ADGRG7: variants seen among roughly 807,000 people sequenced by gnomAD.
ADGRG7 encodes the protein adhesion G protein-coupled receptor G7.
ADGRG7 carries 82 observed loss-of-function variants against 88.6 expected under a neutral mutation model. The ratio of observed to expected loss-of-function variants is 0.93; its 90% CI spans 0.77 to 1.11. The LOEUF is 1.11. ADGRG7 is among the 50% of genes most tolerant of loss of function. ADGRG7 has a pLI of 0.00. For missense variants in ADGRG7, 945 were observed against 953.4 expected (o/e 0.99, Z 0.12); for synonymous variants, 381 against 345.2 (o/e 1.10, Z -1.15).
chr3:100,628,640 G>A (rs1165072557), intron 1 of ADGRG7, among the ~76,000 whole-genome samples: 1 of 152,140 alleles, frequency 6.6e-6, no homozygotes, highest in Non-Finnish European at 1.5e-5. Context: ...AGAGGTGTGA[G>A]CCACTGCACA....
intron 13 of ADGRG7, among the ~76,000 whole-genome samples, chr3:100,658,955 T>C (rs952963032): frequency 6.6e-6 from 1 of 152,158 alleles, no homozygotes. Context: ...AATTAATTAA[T>C]TCTTTCAACA....
chr3:100,651,846 C>T (rs1013935676), intron 11 of ADGRG7, among the ~76,000 whole-genome samples: 3 of 152,192 alleles, frequency 2.0e-5, no homozygotes, highest in Non-Finnish European at 1.5e-5. Context: ...GTTCAACTTA[C>T]GATTTTTCAG....
chr3:100,665,280 C>CG, intron 14 of ADGRG7: 1 of 540,610 alleles, frequency 1.8e-6, no homozygotes, highest in Admixed American at 1.9e-5. Context: ...CACAATGAAA[C>CG]GAGGTTGTCG....
intron 8 of ADGRG7, among the ~76,000 whole-genome samples, chr3:100,645,340 C>G (rs1416820827): frequency 1.3e-5 from 2 of 152,224 alleles, no homozygotes; most frequent in Non-Finnish European, 2.9e-5. Context: ...CAGTAGACTG[C>G]TAGCCTTGGG....
intron 8 of ADGRG7, 66 bp from the exon 9 acceptor site, chr3:100,645,879 T>C: frequency 7.2e-7 from 1 of 1,386,052 alleles, no homozygotes; most frequent in Non-Finnish European, 1.0e-6. Context: ...TACAATAACG[T>C]GACATATTGT....
intron 15 of ADGRG7, among the ~76,000 whole-genome samples, chr3:100,688,609 T>C (rs912401982): frequency 2.0e-5 from 3 of 152,236 alleles, no homozygotes; most frequent in Non-Finnish European, 4.4e-5. Flanking sequence ...AGAACATCTT[T>C]ATTTCTGCCT....
At chr3:100,684,262 T>TATTTATTTATTTATTTATTG (rs2094978453) in intron 15 of ADGRG7, among the ~76,000 whole-genome samples, 1 of 150,076 alleles carries the variant, frequency 6.7e-6, no homozygotes, top group African/African-American at 2.4e-5. Context: ...TTTATCTATT[T>TATTTATTTATTTATTTATTG]ATTTATTTAT....
intron 4 of ADGRG7, among the ~76,000 whole-genome samples, chr3:100,633,829 G>A (rs1450046743): frequency 3.3e-5 from 5 of 152,220 alleles, no homozygotes; most frequent in African/African-American, 9.6e-5. Context: ...ACACCTGGCC[G>A]CCACTCTTAT....
intron 10 of ADGRG7, among the ~76,000 whole-genome samples, chr3:100,649,349 C>T (rs1436447601): frequency 1.3e-5 from 2 of 152,210 alleles, no homozygotes; most frequent in Admixed American, 1.3e-4. Flanking sequence ...CAGCTTTCCA[C>T]ATCAGCAGGT....
intron 11 of ADGRG7, among the ~76,000 whole-genome samples, chr3:100,651,192 T>G (rs1224716972): frequency 1.3e-5 from 2 of 152,176 alleles, no homozygotes; most frequent in Admixed American, 1.3e-4. Flanking sequence ...AACAGACAGA[T>G]AATCTCCCAT....
intron 15 of ADGRG7, among the ~76,000 whole-genome samples, chr3:100,673,603 A>G (rs2094961397): frequency 1.3e-5 from 2 of 151,906 alleles, no homozygotes; most frequent in Non-Finnish European, 2.9e-5. Flanking sequence ...CTGGGATTAC[A>G]GGCGTGAACC....
chr3:100,670,015 G>A (rs1229695264), intron 15 of ADGRG7, among the ~76,000 whole-genome samples: 1 of 152,102 alleles, frequency 6.6e-6, no homozygotes, highest in Non-Finnish European at 1.5e-5. Context: ...TTCAGCCTGG[G>A]CGACAGAGGG....
intron 6 of ADGRG7, among the ~76,000 whole-genome samples, chr3:100,640,723 T>C (rs186727329): frequency 8.1e-4 from 124 of 152,280 alleles, no homozygotes; most frequent in Non-Finnish European, 1.3e-3. Context: ...GGTTTCACCA[T>C]GTTGATCAGG....
chr3:100,659,893 T>G (rs1227572943), intron 14 of ADGRG7, 50 bp downstream of exon 14: 32 of 1,557,076 alleles, frequency 2.1e-5, no homozygotes, highest in Non-Finnish European at 2.8e-5. Flanking sequence ...CATCCAGCAC[T>G]TAACGCAGCA....
chr3:100,659,916 C>T (rs915647501), intron 14 of ADGRG7, 73 bp downstream of exon 14: 13 of 1,411,342 alleles, frequency 9.2e-6, no homozygotes, highest in African/African-American at 1.4e-5. Flanking sequence ...ATAACACATC[C>T]ACAGTTTCAG....
chr3:100,631,248 C>A (rs182530122), intron 3 of ADGRG7, among the ~76,000 whole-genome samples: 233 of 152,208 alleles, frequency 1.5e-3, no homozygotes, highest in African/African-American at 5.1e-3. Flanking sequence ...CCTTTTTGGT[C>A]ATTTTAGTTA....
In ADGRG7 at chr3:100,655,028, A is replaced by G. The variant is rs758734256; in HGVS notation, c.1573A>G (p.Met525Val). The change falls in exon 12 of 16, where the codon ATG (methionine) becomes GTG (valine). Residue 525 changes from methionine to valine, a missense_variant. By Grantham distance (21) the Met-to-Val change is conservative. Coordinates refer to ENST00000273352, the MANE Select transcript of ADGRG7 (RefSeq NM_032787.3). ...AGACACCATTAACATCCCGAATCCC[A>G]TGTGCACTGCGATTGCCGCCTTACT... is the stretch of plus-strand genomic sequence containing the variant. ...RTDTINIPNP[M>V]CTAIAALLHY... 8.1e-6 allele frequency: 13 copies of G among 1,614,044 alleles called. No individual in the cohort carries two copies. The highest frequency in any genetic ancestry group is 3.4e-6 in the Non-Finnish European group (4 of 1,180,030).
Position 100,630,803 on chromosome 3 carries a change from C to G in ADGRG7, c.328C>G (p.Pro110Ala), listed in dbSNP as rs1328472507. The stretch of plus-strand genomic sequence containing the variant: ...CTTGCAAACATGTGGCAAGGATACT[C>G]CAAATGGTATGTGTTTTCCCAAACA... ...PSLQTCGKDTPNAGNPMAVRL... is the reference protein window; with the variant it reads ...PSLQTCGKDTANAGNPMAVRL... The change falls in exon 3 of 16, where the codon CCA becomes GCA. Residue 110 changes from proline (P) to alanine (A), a missense_variant. By Grantham distance (27) the Pro-to-Ala change is conservative (BLOSUM62 -1). Coordinates refer to ENST00000273352, the MANE Select transcript of ADGRG7 (RefSeq NM_032787.3). The G allele has an allele frequency of 6.8e-7, 1 of 1,461,600 alleles. No individual in the cohort carries two copies. Among genetic ancestry groups the G allele is most frequent in the Non-Finnish European group, 9.1e-7 (1 of 1,101,528 alleles). 90.5% of individuals were successfully genotyped at this position (1,461,600 alleles called of 1,614,324 possible). A position where few individuals can be genotyped will look rare whatever the true frequency, so the allele number is the denominator to read the frequency against.
At chr3:100,686,926 G>A (rs1302372739) in intron 15 of ADGRG7, among the ~76,000 whole-genome samples, 1 of 152,180 alleles carries the variant, frequency 6.6e-6, no homozygotes, top group African/African-American at 2.4e-5. Flanking sequence ...GAAAGTCATT[G>A]GTAGCTTGAT....
Sources: allele counts gnomAD v4.1 joint callset (sites outside exome capture counted in the v4.1 genomes callset), GRCh38; gene constraint gnomAD v4.1.1; transcripts MANE v1.5; gene names NCBI Gene and HGNC (gene_info 2026-07-23, HGNC 2026-07-21).